The following FRMD6 variants were observed in gnomAD, a reference collection of about 807,000 sequenced individuals.
FRMD6 encodes FERM domain containing 6, also known as FERM domain-containing protein 6.
A neutral mutation model predicts 73.2 loss-of-function variants in FRMD6; 37 were observed. The observed-to-expected ratio is 0.51, with a 90% CI of 0.39 to 0.66. FRMD6 has a LOEUF of 0.66. Ranked by LOEUF, FRMD6 falls within the 30% of genes least tolerant of loss-of-function variation. The pLI, the probability that FRMD6 is intolerant of heterozygous loss-of-function variation, is 0.00. For synonymous variants in FRMD6, 273 were observed against 282.2 expected (o/e 0.97, Z 0.33); for missense variants, 714 against 780.5 (o/e 0.91, Z 1.02).
the FRMD6 span, among the ~76,000 whole-genome samples, chr14:51,462,212 G>C: frequency 6.6e-6 from 1 of 152,192 alleles, no homozygotes; most frequent in Non-Finnish European, 1.5e-5. Context: ...TCTGGTCCTG[G>C]CTTTGCCATT....
intron 1 of FRMD6, among the ~76,000 whole-genome samples, chr14:51,569,908 T>C (rs897082787): frequency 6.6e-5 from 10 of 151,760 alleles, no homozygotes; most frequent in Middle Eastern, 3.2e-3. Context: ...CTCCACCTCC[T>C]GGGTTCACGC....
chr14:51,409,990 A>G, the FRMD6 span, among the ~76,000 whole-genome samples: 1 of 152,194 alleles, frequency 6.6e-6, no homozygotes, highest in Non-Finnish European at 1.5e-5. Context: ...AAACTTCTTG[A>G]ATGTAAATCT....
At chr14:51,398,121 C>CA in the FRMD6 span, among the ~76,000 whole-genome samples, 2 of 152,030 alleles carry the variant, frequency 1.3e-5, no homozygotes, top group African/African-American at 4.8e-5. Flanking sequence ...CTTGGATATA[C>CA]AAAAAAATTA....
At position 51,651,935 on chromosome 14, in the gene FRMD6, G is replaced by C. The variant is rs939042840; in HGVS notation, c.-208G>C. On this transcript the variant is annotated 5_prime_UTR_variant, in exon 1 of 14. Coordinates refer to ENST00000344768, the MANE Select transcript of FRMD6 (RefSeq NM_001267046.2). ...GAGGAGTGGGGCAGGCTCGGCGCCG[G>C]TAGGAAGAGTCAGAGGGGTGACCAG... is the stretch of plus-strand genomic sequence containing the variant. The C allele has an allele frequency of 6.6e-6, 1 of 152,328 alleles. No homozygotes were observed. The highest frequency in any genetic ancestry group is 2.4e-5 in the African/African-American group (1 of 41,412). 9.4% of individuals were successfully genotyped at this position (152,328 alleles called of 1,614,324 possible). A position where few individuals can be genotyped will look rare whatever the true frequency, so the allele number is the denominator to read the frequency against.
At chr14:51,584,979 A>G (rs140892901) in intron 2 of FRMD6, among the ~76,000 whole-genome samples, 69 of 152,312 alleles carry the variant, frequency 4.5e-4, no homozygotes, top group African/African-American at 1.5e-3. Flanking sequence ...GTGAATATTA[A>G]ATGAGTTAAT....
chr14:51,684,952 C>G (rs1041090713), intron 1 of FRMD6, among the ~76,000 whole-genome samples: 1 of 152,074 alleles, frequency 6.6e-6, no homozygotes, highest in African/African-American at 2.4e-5. Context: ...GAGTATTGCA[C>G]AAGTAGATTA....
intron 2 of FRMD6, among the ~76,000 whole-genome samples, chr14:51,591,975 G>A (rs1412623437): frequency 6.6e-6 from 1 of 152,122 alleles, no homozygotes; most frequent in Non-Finnish European, 1.5e-5. Flanking sequence ...TAGCTTTCAT[G>A]GTCATTTTTG....
chr14:51,723,318 G>C (rs1331998085), intron 12 of FRMD6, among the ~76,000 whole-genome samples: 1 of 152,078 alleles, frequency 6.6e-6, no homozygotes, highest in African/African-American at 2.4e-5. Context: ...CCTTTGGGAA[G>C]GGAGGTATGA....
chr14:51,604,179 G>A (rs1890153286), intron 2 of FRMD6, among the ~76,000 whole-genome samples: 1 of 152,182 alleles, frequency 6.6e-6, no homozygotes. Context: ...CTGCATGTGT[G>A]TGATGGTGCA....
At chr14:51,432,501 G>C in the FRMD6 span, among the ~76,000 whole-genome samples, 5 of 152,160 alleles carry the variant, frequency 3.3e-5, no homozygotes, top group Non-Finnish European at 7.3e-5. Context: ...ATGGTGAGTT[G>C]ATTGACTTTT....
At chr14:51,685,597 TAC>T (rs1385721726) in intron 1 of FRMD6, among the ~76,000 whole-genome samples, 3 of 152,248 alleles carry the variant, frequency 2.0e-5, no homozygotes, top group African/African-American at 7.2e-5. Flanking sequence ...TTAAAGATGA[TAC>T]AGTTTATTCC....
the FRMD6 span, among the ~76,000 whole-genome samples, chr14:51,397,582 T>A: frequency 6.6e-6 from 1 of 152,248 alleles, no homozygotes; most frequent in Non-Finnish European, 1.5e-5. Flanking sequence ...GTTAGGGGCA[T>A]AAGTGTGTTG....
intron 1 of FRMD6, among the ~76,000 whole-genome samples, chr14:51,550,834 T>A (rs1040104577): frequency 6.6e-6 from 1 of 152,232 alleles, no homozygotes; most frequent in African/African-American, 2.4e-5. Flanking sequence ...TCTCTGAGCC[T>A]GTTTCCTCAT....
At chr14:51,694,352 A>C (rs894111500) in intron 2 of FRMD6, among the ~76,000 whole-genome samples, 1 of 152,198 alleles carries the variant, frequency 6.6e-6, no homozygotes, top group Non-Finnish European at 1.5e-5. Flanking sequence ...CCTGCACAAT[A>C]ACAAACCATT....
chr14:51,470,535 G>A, the FRMD6 span, among the ~76,000 whole-genome samples: 4 of 151,928 alleles, frequency 2.6e-5, no homozygotes, highest in African/African-American at 7.2e-5. Context: ...TTTGGTTTTG[G>A]TAATTTTCTC....
At chr14:51,685,100 T>C in intron 1 of FRMD6, among the ~76,000 whole-genome samples, 1 of 152,184 alleles carries the variant, frequency 6.6e-6, no homozygotes, top group East Asian at 1.9e-4. Flanking sequence ...ATACCATAAG[T>C]ACCTAACAGT....
intron 1 of FRMD6, among the ~76,000 whole-genome samples, chr14:51,659,386 A>T (rs958626811): frequency 9.9e-5 from 15 of 152,246 alleles, no homozygotes; most frequent in African/African-American, 3.6e-4. Context: ...TTATAGTTTT[A>T]TTGGAGGTTC....
chr14:51,626,256 A>G (rs1156768014), intron 2 of FRMD6, among the ~76,000 whole-genome samples: 11 of 152,210 alleles, frequency 7.2e-5, no homozygotes, highest in Admixed American at 3.3e-4. Flanking sequence ...GAGATCCAGA[A>G]GAACAAGGTC....
rs558997361 is a variant in FRMD6, at chr14:51,685,807, A to AG, written c.-146-3879dup. On this transcript the variant is annotated intron_variant, in intron 1 of 13. Transcript: ENST00000344768. Reference sequence around the variant, plus strand: ...CTAGATGGTGAACTCATATAGGTGGAGGGGGAGTATCTAATGCTTTTGTAT... The same window carrying AG: ...CTAGATGGTGAACTCATATAGGTGGAGGGGGGAGTATCTAATGCTTTTGTAT... Among the ~76,000 whole-genome samples the AG allele has an allele frequency of 1.3e-4, 17 of 130,992 alleles. No homozygotes were observed. In the East Asian group the frequency reaches 3.3e-3, roughly 25 times the overall value. 85.9% of individuals were successfully genotyped at this position (130,992 alleles called of 152,430 possible). A position where few individuals can be genotyped will look rare whatever the true frequency, so the allele number is the denominator to read the frequency against.
Sources: allele counts gnomAD v4.1 joint callset (sites outside exome capture counted in the v4.1 genomes callset), GRCh38; gene constraint gnomAD v4.1.1; transcripts MANE v1.5; gene names NCBI Gene and HGNC (gene_info 2026-07-23, HGNC 2026-07-21).